Variants in CACNA1A observed in about 807,000 individuals in gnomAD.
CACNA1A encodes the protein calcium voltage-gated channel subunit alpha1 A, also known as voltage-dependent P/Q-type calcium channel subunit alpha-1A.
Under a neutral mutation model 262.4 loss-of-function variants are expected in CACNA1A, and 57 were observed. The observed-to-expected ratio is 0.22, with a 90% CI of 0.18 to 0.27. The LOEUF (loss-of-function observed/expected upper bound fraction) is 0.27, where lower values mean the gene tolerates loss of function less well. CACNA1A is among the 10% of genes least tolerant of loss of function. The pLI, the probability that CACNA1A is intolerant of heterozygous loss-of-function variation, is 1.00. For missense variants in CACNA1A, 2,526 were observed against 3,562.8 expected, an observed-to-expected ratio of 0.71 and a Z score of 7.41; for synonymous variants, 1,431 against 1,419.3, an observed-to-expected ratio of 1.01 and a Z score of -0.18.
At chr19:13,284,241 A>G (rs1600240815) in intron 21 of CACNA1A, 1 of 152,344 alleles carries the variant, frequency 6.6e-6, no homozygotes, top group East Asian at 1.9e-4. Flanking sequence ...CCTCAGAGAA[A>G]TTAAAAAAAA....
At chr19:13,452,848 T>C in intron 3 of CACNA1A, 28 bp downstream of exon 3, 2 of 1,599,618 alleles carry the variant, frequency 1.3e-6, no homozygotes, top group Admixed American at 1.7e-5. Flanking sequence ...GCTAGTTAAA[T>C]CCAAAGCGTA....
chr19:13,334,970 G>C (rs2058538685), intron 7 of CACNA1A, among the ~76,000 whole-genome samples: 1 of 151,116 alleles, frequency 6.6e-6, no homozygotes, highest in Non-Finnish European at 1.5e-5. Context: ...GGAGTTCTAG[G>C]TTACAGTGAG....
At chr19:13,461,390 C>G (rs1313087720) in intron 1 of CACNA1A, among the ~76,000 whole-genome samples, 1 of 146,512 alleles carries the variant, frequency 6.8e-6, no homozygotes, top group Non-Finnish European at 1.5e-5. Context: ...CAAAAATCAC[C>G]GGTGGAGGAA....
Position 13,234,977 on chromosome 19 carries a change from T to G in CACNA1A, c.5193A>C (p.Gln1731His), listed in dbSNP as rs773031818. ...EDEDSDEDEF[Q>H]ITEHNNFRTF... ...TCCGGAAGTTATTGTGCTCAGTGATTTGGAACTCATCTTCATCACTGTCCT... is the reference window on the plus strand; with the variant it reads ...TCCGGAAGTTATTGTGCTCAGTGATGTGGAACTCATCTTCATCACTGTCCT... Residue 1731 changes from glutamine (Q) to histidine (H), a missense_variant, in exon 34 of 47, where the codon CAA becomes CAC. This residue lies in a region of CACNA1A where 17 missense variants were observed against 16.5 expected (regional missense o/e 1.03). Coordinates refer to ENST00000360228, the MANE Select transcript of CACNA1A (RefSeq NM_001127222.2). 1.9e-6 allele frequency: 3 copies of G among 1,613,882 alleles called. No individual in the cohort carries two copies. Among genetic ancestry groups the G allele is most frequent in the Admixed American group, 1.7e-5 (1 of 60,020 alleles).
intron 38 of CACNA1A, among the ~76,000 whole-genome samples, chr19:13,218,519 G>A (rs2055103484): frequency 6.6e-6 from 1 of 152,168 alleles, no homozygotes; most frequent in Admixed American, 6.6e-5. Context: ...CTGGAAGCTC[G>A]CACCTGGTGT....
At chr19:13,483,836 C>T (rs1186472635) in intron 1 of CACNA1A, among the ~76,000 whole-genome samples, 4 of 152,156 alleles carry the variant, frequency 2.6e-5, no homozygotes, top group African/African-American at 7.2e-5. Context: ...TCCACCTCTT[C>T]CAAGTAAAGG....
chr19:13,380,370 G>T (rs1350570955), intron 3 of CACNA1A, among the ~76,000 whole-genome samples: 1 of 150,490 alleles, frequency 6.6e-6, no homozygotes, highest in African/African-American at 2.4e-5. Flanking sequence ...TTATAGCCAG[G>T]CGCGGTGGCT....
chr19:13,290,277 G>T (rs1013793132), intron 19 of CACNA1A, among the ~76,000 whole-genome samples: 3 of 151,830 alleles, frequency 2.0e-5, no homozygotes, highest in African/African-American at 7.3e-5. Flanking sequence ...TCAACATCTT[G>T]GACAGTCCAC....
chr19:13,392,787 C>T (rs373437029), intron 3 of CACNA1A, among the ~76,000 whole-genome samples: 1 of 152,122 alleles, frequency 6.6e-6, no homozygotes, highest in South Asian at 2.1e-4. Context: ...TATTCTGCCA[C>T]CCAGGCTGGA....
At chr19:13,497,930 G>A (rs192337459) in intron 1 of CACNA1A, among the ~76,000 whole-genome samples, 3 of 151,750 alleles carry the variant, frequency 2.0e-5, no homozygotes, top group Admixed American at 2.0e-4. Context: ...TTGCAGCCAG[G>A]GTGGACTGTT....
chr19:13,349,796 G>A (rs2058873296), intron 6 of CACNA1A, among the ~76,000 whole-genome samples: 1 of 152,168 alleles, frequency 6.6e-6, no homozygotes, highest in Non-Finnish European at 1.5e-5. Flanking sequence ...AGCTCAGAGA[G>A]TTTTATATTT....
intron 6 of CACNA1A, among the ~76,000 whole-genome samples, chr19:13,355,643 G>A (rs957329800): frequency 2.8e-4 from 42 of 152,104 alleles, no homozygotes; most frequent in Non-Finnish European, 5.1e-4. Flanking sequence ...GCTGCTCCTA[G>A]GGGTTGTCCA....
At chr19:13,392,046 AAG>A (rs2059719375) in intron 3 of CACNA1A, among the ~76,000 whole-genome samples, 1 of 151,052 alleles carries the variant, frequency 6.6e-6, no homozygotes, top group African/African-American at 2.4e-5. Flanking sequence ...AAAAAAAAAA[AAG>A]AAAAAAAAGA....
At chr19:13,451,909 T>C (rs1475816903) in intron 3 of CACNA1A, 1 of 151,992 alleles carries the variant, frequency 6.6e-6, no homozygotes, top group East Asian at 1.9e-4. Context: ...TGGAGCACGG[T>C]TGGATGATCA....
intron 3 of CACNA1A, among the ~76,000 whole-genome samples, chr19:13,423,525 T>C (rs2060351058): frequency 6.6e-6 from 1 of 152,054 alleles, no homozygotes; most frequent in South Asian, 2.1e-4. Context: ...CTTTTTTTCT[T>C]TTTTGAGACA....
At chr19:13,400,923 C>G (rs1001475833) in intron 3 of CACNA1A, among the ~76,000 whole-genome samples, 1 of 152,194 alleles carries the variant, frequency 6.6e-6, no homozygotes, top group Non-Finnish European at 1.5e-5. Flanking sequence ...CTCCCAGGTT[C>G]AAACGATTCT....
At position 13,298,679 on chromosome 19, in the gene CACNA1A, G is replaced by A. The variant is rs1478798895; in HGVS notation, c.2954C>T (p.Pro985Leu). 11 of 1,472,440 alleles carry A rather than the reference G, an allele frequency of 7.5e-6. No individual in the cohort carries two copies. The highest frequency in any genetic ancestry group is 2.7e-5 in the Admixed American group (1 of 37,342). The allele number at this position is 1,472,440 out of a possible 1,614,324, so 91.2% of individuals were successfully genotyped here. ...GCCCTCGCCCTCGCCGCCCCGGGCC[G>A]GCCGGCTGCCCTCGCGGTGCCGCGC... The part of the protein sequence containing the change: ...RRARHREGSR[P>L]ARGGEGEGEG... Residue 985 changes from proline to leucine, a missense_variant, in exon 19 of 47, where the codon CCG becomes CTG. Pro to Leu is a moderately conservative substitution (Grantham distance 98). Coordinates refer to ENST00000360228, the MANE Select transcript of CACNA1A (RefSeq NM_001127222.2).
chr19:13,455,181 T>A lies in CACNA1A; in HGVS notation c.325A>T (p.Ile109Leu). Residue 109 changes from isoleucine (I) to leucine (L), a missense_variant, in exon 2 of 47, where the codon ATA (isoleucine) becomes TTA (leucine). Ile to Leu is a conservative substitution (Grantham distance 5). Transcript: ENST00000360228. ...AGTGCGAGGACGATGCAATTCGCTA[T>A]GATGGTGGCTAAAATCATATATTCA... The part of the protein sequence containing the change: ...PFEYMILATI[I>L]ANCIVLALEQ... 1 of 1,611,570 alleles carries A rather than the reference T, an allele frequency of 6.2e-7. No homozygotes were observed. The highest frequency in any genetic ancestry group is 8.5e-7 in the Non-Finnish European group (1 of 1,177,772).
chr19:13,470,847 C>T (rs1472357175), intron 1 of CACNA1A, among the ~76,000 whole-genome samples: 1 of 152,210 alleles, frequency 6.6e-6, no homozygotes, highest in Admixed American at 6.5e-5. Context: ...ATAGCTATAC[C>T]ACTCTGTGTC....
Sources: allele counts gnomAD v4.1 joint callset (sites outside exome capture counted in the v4.1 genomes callset), GRCh38; gene constraint gnomAD v4.1.1; regional missense constraint gnomAD v4.1.1; transcripts MANE v1.5; gene names NCBI Gene and HGNC (gene_info 2026-07-23, HGNC 2026-07-21).